The following ZNF584 variants were observed in gnomAD, a reference collection of about 807,000 sequenced individuals.
ZNF584 encodes zinc finger protein 584.
Under a neutral mutation model 14.7 loss-of-function variants are expected in ZNF584, and 12 were observed. That is an observed-to-expected ratio of 0.82 (90% confidence interval 0.52 to 1.32). The LOEUF (loss-of-function observed/expected upper bound fraction) is 1.32, where lower values mean the gene tolerates loss of function less well. Ranked by LOEUF, ZNF584 falls within the 40% of genes most tolerant of loss-of-function variation. The probability of loss-of-function intolerance (pLI) is 0.00; values close to 1 mark genes in which losing one functional copy is unlikely to be tolerated. For missense variants in ZNF584, 478 were observed against 518.8 expected (o/e 0.92, Z 0.76); for synonymous variants, 204 against 190.9 (o/e 1.07, Z -0.57).
chr19:58,418,069 T>C lies in ZNF584; in HGVS notation c.*285T>C. On this transcript the variant is annotated 3_prime_UTR_variant, in exon 4 of 4. Transcript: ENST00000306910. ...GGACAGCAGACCTTGTGCTCCTTGCTCTAAACAGTAGAGAATCGTTAATAG... is the reference window on the plus strand; with the variant it reads ...GGACAGCAGACCTTGTGCTCCTTGCCCTAAACAGTAGAGAATCGTTAATAG... 2.3e-6 allele frequency: 1 copy of C among 429,556 alleles called. No individual in the cohort carries two copies. 26.6% of individuals were successfully genotyped at this position (429,556 alleles called of 1,614,324 possible).
In ZNF584 at chr19:58,417,332, T is replaced by C. The variant is rs755123175; in HGVS notation, c.814T>C (p.Cys272Arg). The change falls in exon 4 of 4, where the codon TGC becomes CGC. Residue 272 changes from cysteine (C) to arginine (R), a missense_variant. Physicochemically the swap from Cys to Arg is radical, Grantham distance 180. This residue lies in a region of ZNF584 where 283 missense variants were observed against 317.3 expected (regional missense o/e 0.89). Transcript: ENST00000306910. The part of the protein sequence containing the change: ...RIHTGERPYE[C>R]SKCGKTFSVL... ...TCACACTGGAGAAAGGCCTTACGAG[T>C]GCAGCAAATGTGGTAAAACCTTCAG... The C allele has an allele frequency of 6.2e-7, 1 of 1,614,156 alleles. No homozygotes were observed. The highest frequency in any genetic ancestry group is 1.7e-5 in the Admixed American group (1 of 60,022).
intron 2 of ZNF584, among the ~76,000 whole-genome samples, chr19:58,415,092 A>C (rs1029090869): frequency 5.9e-5 from 9 of 151,798 alleles, no homozygotes; most frequent in African/African-American, 1.5e-4. Flanking sequence ...GGGGGGTTTC[A>C]CCGTGTTAGC....
At chr19:58,405,196 G>GA (rs2052459224), upstream of ZNF584, 2 of 147,274 alleles carry the variant, frequency 1.4e-5, no homozygotes, top group Admixed American at 6.8e-5. Context: ...CCTCCCGGAC[G>GA]GGTCGGCTGG....
At chr19:58,410,589 A>ATG (rs1319661107) in intron 2 of ZNF584, among the ~76,000 whole-genome samples, 7 of 35,546 alleles carry the variant, frequency 2.0e-4, no homozygotes, top group African/African-American at 1.2e-3. Context: ...ATATGTATAT[A>ATG]TATGTATATA....
rs1340373210 is a variant in ZNF584 at position 58,410,557 on chromosome 19, A to ATATATGTG, written c.169+467_169+468insATATGTGT. ...TATATATATATATATATATATATAT[A>ATATATGTG]TGTGTATATATATATGTATATATAT... On this transcript the variant is annotated intron_variant, in intron 2 of 3. Transcript: ENST00000306910. Among the ~76,000 whole-genome samples the ATATATGTG allele has an allele frequency of 2.6e-3, 68 of 26,002 alleles. 11 individuals carry two copies. Among genetic ancestry groups the ATATATGTG allele is most frequent in the Admixed American group, 0.019 (50 of 2,664 alleles). 17.1% of individuals were successfully genotyped at this position (26,002 alleles called of 152,430 possible).
chr19:58,402,749 G>A (rs920547973), intron 1 of ZNF584, among the ~76,000 whole-genome samples: 2 of 150,746 alleles, frequency 1.3e-5, no homozygotes, highest in Non-Finnish European at 2.9e-5. Context: ...GCTTGAACTC[G>A]GGAGGCGGAG....
rs1185053389 is a variant in ZNF584, at chr19:58,410,557, ATGTG to A, written c.169+468_169+471del. Among the ~76,000 whole-genome samples the A allele has an allele frequency of 4.1e-3, 107 of 25,898 alleles. 9 individuals are homozygous for A. The highest frequency in any genetic ancestry group is 0.013 in the East Asian group (18 of 1,378). 17.0% of individuals were successfully genotyped at this position (25,898 alleles called of 152,430 possible). A position where few individuals can be genotyped will look rare whatever the true frequency, so the allele number is the denominator to read the frequency against. On this transcript the variant is annotated intron_variant, in intron 2 of 3. Coordinates refer to ENST00000306910, the MANE Select transcript of ZNF584 (RefSeq NM_173548.3). ...TATATATATATATATATATATATATATGTGTATATATATATGTATATATATGTAT... is the reference window on the plus strand; with the variant it reads ...TATATATATATATATATATATATATATATATATATATGTATATATATGTAT...
rs2052640218 is a variant in ZNF584 at position 58,416,200 on chromosome 19, G to C, written c.292+554G>C. 6 of 381,186 alleles carry C rather than the reference G, an allele frequency of 1.6e-5. No homozygotes were observed. The Admixed American group carries it at 2.4e-4, about 15-fold the overall frequency. 23.6% of individuals were successfully genotyped at this position (381,186 alleles called of 1,614,324 possible). A position where few individuals can be genotyped will look rare whatever the true frequency, so the allele number is the denominator to read the frequency against. ...GGTGGAGCCATATTCAGTTGTGCCA[G>C]GCTTTCCCAACCCAGACCTTTCCTA... On this transcript the variant is annotated intron_variant, in intron 3 of 3. Transcript: ENST00000306910.
chr19:58,418,121 T>G lies in ZNF584; in HGVS notation c.*337T>G, dbSNP rs946599954. The G allele has an allele frequency of 3.8e-6, 1 of 259,862 alleles. No individual in the cohort carries two copies. The highest frequency in any genetic ancestry group is 7.4e-6 in the Non-Finnish European group (1 of 135,604). 16.1% of individuals were successfully genotyped at this position (259,862 alleles called of 1,614,324 possible). On this transcript the variant is annotated 3_prime_UTR_variant, in exon 4 of 4. Transcript: ENST00000306910. ...GGAGCCCAAAACAGGCCTCATTCCC[T>G]ACCCTTGACTGGTTTAGCTGTGGAC...
rs1248142646 is a variant in ZNF584 at position 58,417,041 on chromosome 19, C to T, written c.523C>T (p.Leu175Phe). The change falls in exon 4 of 4, where the codon CTT becomes TTT. Residue 175 changes from leucine to phenylalanine, a missense_variant. By Grantham distance (22) the Leu-to-Phe change is conservative. Around this residue, in one of 3 missense-constraint regions of ZNF584, gnomAD observed 283 missense variants for 317.3 expected, o/e 0.89. Transcript: ENST00000306910. ...GGTGTTCTTAAAGGCCTTTGCCCTC[C>T]TTGACCATCTGATAACGCATTCTGA... The part of the protein sequence containing the change: ...GKVFLKAFAL[L>F]DHLITHSEER... The T allele has an allele frequency of 8.7e-6, 14 of 1,611,964 alleles. No individual in the cohort carries two copies. Among genetic ancestry groups the T allele is most frequent in the East Asian group, 4.5e-5 (2 of 44,842 alleles).
chr19:58,410,539 A>AATTTTTTTTTTTTTTTTTTTTTTT lies in ZNF584; in HGVS notation c.169+448_169+449insATTTTTTTTTTTTTTTTTTTTTTT. Among the ~76,000 whole-genome samples the AATTTTTTTTTTTTTTTTTTTTTTT allele has an allele frequency of 1.3e-3, 49 of 38,690 alleles. 5 individuals carry two copies. Among genetic ancestry groups the AATTTTTTTTTTTTTTTTTTTTTTT allele is most frequent in the African/African-American group, 1.9e-3 (15 of 7,920 alleles). 25.4% of individuals were successfully genotyped at this position (38,690 alleles called of 152,430 possible). ...GGGAAATATATATATATATATATAT[A>AATTTTTTTTTTTTTTTTTTTTTTT]TATATATATATATATATATGTGTAT... On this transcript the variant is annotated intron_variant, in intron 2 of 3. Transcript: ENST00000306910.
Position 58,417,359 on chromosome 19 carries a change from G to A in ZNF584, c.841G>A (p.Val281Ile), listed in dbSNP as rs2052657967. 3 of 1,614,024 alleles carry A rather than the reference G, an allele frequency of 1.9e-6. No individual in the cohort carries two copies. The Admixed American group carries it at 5.0e-5, about 27-fold the overall frequency. ...CAGCAAATGTGGTAAAACCTTCAGT[G>A]TTCTGTCTACCCTCATTCGGCACCG... ...ECSKCGKTFS[V>I]LSTLIRHRKV... The change falls in exon 4 of 4, where the codon GTT becomes ATT. Residue 281 changes from valine to isoleucine, a missense_variant. This residue lies in a region of ZNF584 where 283 missense variants were observed against 317.3 expected (regional missense o/e 0.89). Coordinates refer to ENST00000306910, the MANE Select transcript of ZNF584 (RefSeq NM_173548.3).
chr19:58,410,627 ATATATGTGTATATATATGTG>A (rs1568584738), intron 2 of ZNF584, among the ~76,000 whole-genome samples: 1 of 46,312 alleles, frequency 2.2e-5, no homozygotes, highest in South Asian at 5.3e-4. Context: ...ATATATGTGT[ATATATGTGTATATATATGTG>A]TATATATGTG....
chr19:58,410,583 G>GTA (rs373955379), intron 2 of ZNF584, among the ~76,000 whole-genome samples: 13 of 26,720 alleles, frequency 4.9e-4, no homozygotes, highest in Admixed American at 2.0e-3. Context: ...GTATATATAT[G>GTA]TATATATATG....
intron 1 of ZNF584, 28 bp downstream of exon 1, chr19:58,409,193 AG>A: frequency 1.4e-6 from 2 of 1,409,938 alleles, no homozygotes; most frequent in Non-Finnish European, 1.9e-6. Context: ...CCGAGGAATG[AG>A]GGGGCCCACC....
At position 58,409,994 on chromosome 19, in the gene ZNF584, A is replaced by G. The variant is rs1419491817; in HGVS notation, c.72A>G (p.Val24=). Residue 24 remains valine (V), a synonymous_variant, in exon 2 of 4, where the codon GTA becomes GTG. Coordinates refer to ENST00000306910, the MANE Select transcript of ZNF584 (RefSeq NM_173548.3). ...TGGTGATGTTTGAGGATGTGACGGT[A>G]TATTTCTCCAGGGAGGAGTGGGGGC... ...QGLVMFEDVT[V]YFSREEWGLL... 16 of 1,613,908 alleles carry G rather than the reference A, an allele frequency of 9.9e-6. No homozygotes were observed. Among genetic ancestry groups the G allele is most frequent in the Admixed American group, 6.7e-5 (4 of 59,984 alleles).
rs1464147555 is a variant in ZNF584 at position 58,410,551 on chromosome 19, A to G, written c.169+460A>G. The stretch of plus-strand genomic sequence containing the variant: ...TATATATATATATATATATATATAT[A>G]TATATATGTGTATATATATATGTAT... On this transcript the variant is annotated intron_variant, in intron 2 of 3. Coordinates refer to ENST00000306910, the MANE Select transcript of ZNF584 (RefSeq NM_173548.3). Among the ~76,000 whole-genome samples the G allele has an allele frequency of 4.8e-4, 15 of 31,438 alleles. 3 individuals carry two copies. Among genetic ancestry groups the G allele is most frequent in the Non-Finnish European group, 7.1e-4 (12 of 16,990 alleles). 20.6% of individuals were successfully genotyped at this position (31,438 alleles called of 152,430 possible). A position where few individuals can be genotyped will look rare whatever the true frequency, so the allele number is the denominator to read the frequency against.
Position 58,415,525 on chromosome 19 carries a change from A to C in ZNF584, c.171A>C (p.Gly57=), listed in dbSNP as rs1811891565. Residue 57 remains glycine (G), a splice_region_variant and synonymous_variant, in exon 3 of 4, where the codon GGA becomes GGC. Coordinates refer to ENST00000306910, the MANE Select transcript of ZNF584 (RefSeq NM_173548.3). ...LENFALVSSL[G]LAPSRSPVFT... is the part of the protein sequence containing the mutation. Reference sequence around the variant, plus strand: ...TCTTTTACTACCTGTCACCCGCAGGACTTGCACCTTCGAGATCCCCTGTGT... The same window carrying C: ...TCTTTTACTACCTGTCACCCGCAGGCCTTGCACCTTCGAGATCCCCTGTGT... 1.9e-6 allele frequency: 3 copies of C among 1,612,396 alleles called. No individual in the cohort carries two copies. Among genetic ancestry groups the C allele is most frequent in the Non-Finnish European group, 1.7e-6 (2 of 1,178,716 alleles).
At chr19:58,407,592 T>C (rs1299179902), upstream of ZNF584, among the ~76,000 whole-genome samples, 2 of 152,048 alleles carry the variant, frequency 1.3e-5, no homozygotes, top group Non-Finnish European at 2.9e-5. Context: ...AAGGGGAACA[T>C]GGAAAGAACA....
Sources: allele counts gnomAD v4.1 joint callset (sites outside exome capture counted in the v4.1 genomes callset), GRCh38; gene constraint gnomAD v4.1.1; regional missense constraint gnomAD v4.1.1; transcripts MANE v1.5; gene names NCBI Gene and HGNC (gene_info 2026-07-23, HGNC 2026-07-21).